NFATC3: variants seen among roughly 807,000 people sequenced by gnomAD.
NFATC3 encodes the protein nuclear factor of activated T cells 3, also known as nuclear factor of activated T-cells, cytoplasmic 3.
Under a neutral mutation model 98.6 loss-of-function variants are expected in NFATC3, and 46 were observed. The observed-to-expected ratio is 0.47, with a 90% CI of 0.37 to 0.60. NFATC3 has a LOEUF of 0.60. Ranked by LOEUF, NFATC3 falls within the 20% of genes least tolerant of loss-of-function variation. The pLI, the probability that NFATC3 is intolerant of heterozygous loss-of-function variation, is 0.00. For synonymous variants in NFATC3, 512 were observed against 472.2 expected, an observed-to-expected ratio of 1.08 and a Z score of -1.09; for missense variants, 1,256 against 1,295.5, an observed-to-expected ratio of 0.97 and a Z score of 0.47.
intron 8 of NFATC3, among the ~76,000 whole-genome samples, chr16:68,189,110 A>T (rs2040332919): frequency 6.6e-6 from 1 of 152,204 alleles, no homozygotes; most frequent in South Asian, 2.1e-4. Context: ...CTTGTTTTTG[A>T]AAATTAGTTG....
chr16:68,122,727 T>G lies in NFATC3; in HGVS notation c.844T>G (p.Cys282Gly), dbSNP rs754872353. The G allele has an allele frequency of 1.2e-6, 2 of 1,614,204 alleles. No homozygotes were observed. The highest frequency in any genetic ancestry group is 1.7e-6 in the Non-Finnish European group (2 of 1,180,028). ...ACGGAGGCACTCCAGTGCTGAAGTTTGTTATGCTGGGTCCCTTTCACCCCA... is the reference window on the plus strand; with the variant it reads ...ACGGAGGCACTCCAGTGCTGAAGTTGGTTATGCTGGGTCCCTTTCACCCCA... ...GKRRHSSAEV[C>G]YAGSLSPHHS... The change falls in exon 2 of 10, where the codon TGT becomes GGT. Residue 282 changes from cysteine (C) to glycine (G), a missense_variant. By Grantham distance (159) the Cys-to-Gly change is radical (BLOSUM62 -3). This residue lies in a region of NFATC3 where 464 missense variants were observed against 465.7 expected (regional missense o/e 1.00). Transcript: ENST00000346183.
intron 3 of NFATC3, among the ~76,000 whole-genome samples, chr16:68,137,809 G>A (rs932741930): frequency 6.6e-6 from 1 of 151,702 alleles, no homozygotes; most frequent in Non-Finnish European, 1.5e-5. Context: ...GTAGAGATGG[G>A]GTTTCACCGT....
chr16:68,223,490 C>T (rs544325294), intron 9 of NFATC3, among the ~76,000 whole-genome samples: 6 of 152,310 alleles, frequency 3.9e-5, no homozygotes, highest in Non-Finnish European at 7.3e-5. Context: ...TTTATACCAA[C>T]CAAATACTTT....
At chr16:68,134,741 C>G (rs1180451297) in intron 3 of NFATC3, among the ~76,000 whole-genome samples, 1 of 152,066 alleles carries the variant, frequency 6.6e-6, no homozygotes, top group Non-Finnish European at 1.5e-5. Flanking sequence ...TTTTATCAGA[C>G]TAAGGATATT....
At chr16:68,098,271 C>CTATTATTATTATTATTAT (rs1314480778) in intron 1 of NFATC3, among the ~76,000 whole-genome samples, 1 of 123,602 alleles carries the variant, frequency 8.1e-6, no homozygotes, top group African/African-American at 3.2e-5. Flanking sequence ...AACTTTTTGT[C>CTATTATTATTATTATTAT]TATTATTATT....
At chr16:68,163,962 C>T (rs372913214) in intron 4 of NFATC3, among the ~76,000 whole-genome samples, 18,584 of 150,710 alleles carry the variant, frequency 0.12, 1,161 homozygotes, top group Admixed American at 0.2. Context: ...AGACGATGGG[C>T]GGCCAGGCAG....
At position 68,229,080 on chromosome 16, in the gene NFATC3, A is replaced by C. The variant is rs2042089828; in HGVS notation, c.*2609A>C. ...GTTTTATAAAATGGATGTTTAGTAA[A>C]GGAACTGGTTCTCAGTTATGTTTAC... On this transcript the variant is annotated 3_prime_UTR_variant, in exon 10 of 10. Transcript: ENST00000346183. 1 of 152,258 alleles carries C rather than the reference A, an allele frequency of 6.6e-6. No individual in the cohort carries two copies. The highest frequency in any genetic ancestry group is 1.5e-5 in the Non-Finnish European group (1 of 68,050). The allele number at this position is 152,258 out of a possible 1,614,324, so 9.4% of individuals were successfully genotyped here. A position where few individuals can be genotyped will look rare whatever the true frequency, so the allele number is the denominator to read the frequency against.
At chr16:68,131,480 G>A (rs533470259) in intron 3 of NFATC3, among the ~76,000 whole-genome samples, 5 of 152,108 alleles carry the variant, frequency 3.3e-5, no homozygotes, top group African/African-American at 1.2e-4. Flanking sequence ...GTTTTACCAT[G>A]TTGTCCAGGC....
chr16:68,137,960 T>C (rs1410396483), intron 3 of NFATC3, among the ~76,000 whole-genome samples: 3 of 151,980 alleles, frequency 2.0e-5, no homozygotes, highest in African/African-American at 7.2e-5. Flanking sequence ...TTATCTCATT[T>C]AATTCTCCAA....
Position 68,191,045 on chromosome 16 carries a change from C to T in NFATC3, c.2376C>T (p.Val792=). Residue 792 remains valine, a synonymous_variant, in exon 9 of 10, where the codon GTC becomes GTT. Transcript: ENST00000346183. ...CAATTGTACACCAGCCTTTTCAAGT[C>T]ACACCAACACCTCCTGTGGGGTCTT... The part of the protein sequence containing the change: ...PSPIVHQPFQ[V]TPTPPVGSSY... 1 of 1,614,228 alleles carries T rather than the reference C, an allele frequency of 6.2e-7. No individual in the cohort carries two copies. The highest frequency in any genetic ancestry group is 8.5e-7 in the Non-Finnish European group (1 of 1,180,038).
intron 3 of NFATC3, among the ~76,000 whole-genome samples, chr16:68,133,515 A>G (rs2037225181): frequency 6.6e-6 from 1 of 152,220 alleles, no homozygotes; most frequent in Admixed American, 6.5e-5. Flanking sequence ...GCAAGTATAA[A>G]TACTCATAAA....
intron 9 of NFATC3, among the ~76,000 whole-genome samples, chr16:68,222,653 A>G (rs1276650594): frequency 1.3e-5 from 2 of 152,152 alleles, no homozygotes; most frequent in African/African-American, 4.8e-5. Flanking sequence ...CTACCACCTA[A>G]TGAACTTTCA....
At chr16:68,136,379 C>G (rs946476723) in intron 3 of NFATC3, among the ~76,000 whole-genome samples, 3 of 152,090 alleles carry the variant, frequency 2.0e-5, no homozygotes, top group Non-Finnish European at 2.9e-5. Context: ...GCGATCCTCT[C>G]CACCTCAACT....
chr16:68,221,318 G>A (rs1312862861), intron 9 of NFATC3: 6 of 1,610,510 alleles, frequency 3.7e-6, no homozygotes, highest in South Asian at 2.2e-5. Context: ...CCAGCCCGAG[G>A]GAGAAGTGAG....
chr16:68,181,679 C>T, intron 7 of NFATC3, 149 bp downstream of exon 7: 1 of 574,054 alleles, frequency 1.7e-6, no homozygotes, highest in East Asian at 3.2e-5. Context: ...GCCTGTAATC[C>T]CAGCACTTTG....
chr16:68,135,457 CAAAAAAAAAAAA>C (rs60331468), intron 3 of NFATC3, among the ~76,000 whole-genome samples: 5 of 78,694 alleles, frequency 6.4e-5, no homozygotes, highest in East Asian at 9.2e-4. Context: ...GACTCCGTCT[CAAAAAAAAAAAA>C]AAAAAAAAAA....
At chr16:68,185,699 T>G (rs1401097674) in intron 8 of NFATC3, among the ~76,000 whole-genome samples, 1 of 151,636 alleles carries the variant, frequency 6.6e-6, no homozygotes, top group Non-Finnish European at 1.5e-5. Context: ...CCGTCTCTAC[T>G]AAAAATACAA....
intron 6 of NFATC3, among the ~76,000 whole-genome samples, chr16:68,177,346 C>T (rs62057372): frequency 0.015 from 2,349 of 152,234 alleles, 32 homozygotes; most frequent in Admixed American, 0.025. Flanking sequence ...CCTATGTGCC[C>T]GCCTGGTCAT....
chr16:68,142,990 T>G (rs113215035), intron 3 of NFATC3, among the ~76,000 whole-genome samples: 6 of 151,838 alleles, frequency 4.0e-5, no homozygotes, highest in African/African-American at 1.4e-4. Flanking sequence ...CAGTACCTTG[T>G]GGGGGCTGAG....
Sources: allele counts gnomAD v4.1 joint callset (sites outside exome capture counted in the v4.1 genomes callset), GRCh38; gene constraint gnomAD v4.1.1; regional missense constraint gnomAD v4.1.1; transcripts MANE v1.5; gene names NCBI Gene and HGNC (gene_info 2026-07-23, HGNC 2026-07-21).